Variants in CNPPD1 observed in about 807,000 individuals in gnomAD.
The protein encoded by CNPPD1 is protein CNPPD1.
In CNPPD1, 40 loss-of-function variants were observed where a neutral mutation model predicts 43.7. The ratio of observed to expected loss-of-function variants is 0.92; its 90% CI spans 0.71 to 1.19. CNPPD1 has a LOEUF of 1.19. CNPPD1 is among the 50% of genes most tolerant of loss of function. The pLI is 0.00. For missense variants in CNPPD1, 511 were observed against 518.5 expected, an observed-to-expected ratio of 0.99 and a Z score of 0.14; for synonymous variants, 208 against 214.3, an observed-to-expected ratio of 0.97 and a Z score of 0.26.
chr2:219,173,342 C>G lies in CNPPD1; in HGVS notation c.690+8G>C. The G allele has an allele frequency of 1.2e-6, 2 of 1,611,504 alleles. No homozygotes were observed. On this transcript the variant is annotated splice_region_variant and intron_variant, in intron 7 of 7. Transcript: ENST00000360507. ...TCAAGCTCCCTATCCTTCCGAGCCC[C>G]TCCTCACCTTTACCAGCCGCTGGCA... is the stretch of plus-strand genomic sequence containing the variant.
rs145517904 is a variant in CNPPD1 at position 219,172,900 on chromosome 2, A to G, written c.919T>C (p.Ser307Pro). ...GAGGCCAGAAGACTGCCCCAGAGTGACCGCAGCCCCATGCTGCCTTCCAGG... is the reference window on the plus strand; with the variant it reads ...GAGGCCAGAAGACTGCCCCAGAGTGGCCGCAGCCCCATGCTGCCTTCCAGG... Reference protein sequence around the residue: ...SCLEGSMGLRSLWGSLLASLT... With the variant: ...SCLEGSMGLRPLWGSLLASLT... The change falls in exon 8 of 8, where the codon TCA becomes CCA. Residue 307 changes from serine (S) to proline (P), a missense_variant. Coordinates refer to ENST00000360507, the MANE Select transcript of CNPPD1 (RefSeq NM_015680.6). 1.9e-6 allele frequency: 3 copies of G among 1,609,074 alleles called. No homozygotes were observed. The highest frequency in any genetic ancestry group is 1.7e-6 in the Non-Finnish European group (2 of 1,177,320).
At position 219,172,953 on chromosome 2, in the gene CNPPD1, A is replaced by G. The variant is rs148863097; in HGVS notation, c.866T>C (p.Leu289Pro). ...GCTGGAGACATTAGCGAGAGACGGC[A>G]GGCATTGTGGCACAGAAGGTATGCA... is the stretch of plus-strand genomic sequence containing the variant. Reference protein sequence around the residue: ...EPCIPSVPQCLPSLANVSSCL... With the variant: ...EPCIPSVPQCPPSLANVSSCL... The change falls in exon 8 of 8, where the codon CTG becomes CCG. Residue 289 changes from leucine to proline, a missense_variant. Coordinates refer to ENST00000360507, the MANE Select transcript of CNPPD1 (RefSeq NM_015680.6). The G allele has an allele frequency of 1.2e-6, 2 of 1,613,970 alleles. No individual in the cohort carries two copies. Among genetic ancestry groups the G allele is most frequent in the Non-Finnish European group, 1.7e-6 (2 of 1,179,954 alleles).
chr2:219,176,941 G>C (rs1223989291), upstream of CNPPD1: 10 of 912,392 alleles, frequency 1.1e-5, no homozygotes, highest in Non-Finnish European at 1.6e-5. Context: ...CCCGGGGCGG[G>C]CCGCCGTCCT....
chr2:219,176,397 G>T, intron 1 of CNPPD1, 66 bp from the exon 2 acceptor site: 1 of 1,264,164 alleles, frequency 7.9e-7, no homozygotes, highest in South Asian at 1.2e-5. Flanking sequence ...TCCTGGCTCT[G>T]GGCTGGAAGG....
chr2:219,174,550 G>C (rs7593818), intron 5 of CNPPD1, among the ~76,000 whole-genome samples: 73,850 of 152,000 alleles, frequency 0.49, 19,509 homozygotes, highest in Non-Finnish European at 0.6. Context: ...TGGGGCCCTG[G>C]AGGAATAGAG....
chr2:219,174,962 A>T (rs562803874), intron 4 of CNPPD1, 26 bp downstream of exon 4: 1 of 1,614,118 alleles, frequency 6.2e-7, no homozygotes, highest in African/African-American at 1.3e-5. Context: ...TTGGCTCTTT[A>T]GGGAGATGGG....
At chr2:219,176,399 G>T in intron 1 of CNPPD1, 68 bp from the exon 2 acceptor site, 1 of 1,251,744 alleles carries the variant, frequency 8.0e-7, no homozygotes, top group Non-Finnish European at 1.2e-6. Context: ...CTGGCTCTGG[G>T]CTGGAAGGCG....
upstream of CNPPD1, chr2:219,177,076 A>C (rs1950184954): frequency 4.7e-6 from 2 of 427,426 alleles, no homozygotes; most frequent in South Asian, 9.6e-5. Context: ...CCGGGAAGGG[A>C]GGTGTCAAGC....
chr2:219,177,910 G>A (rs1257521005), upstream of CNPPD1: 2 of 152,618 alleles, frequency 1.3e-5, no homozygotes, highest in Admixed American at 6.5e-5. Context: ...TGAGTAATGG[G>A]ACGGCCACCG....
rs374808241 is a variant in CNPPD1, at chr2:219,176,874, G to T, written c.-46C>A. On this transcript the variant is annotated 5_prime_UTR_variant, in exon 1 of 8. Transcript: ENST00000360507. ...TGCGAAGGTGAACGGAAGGAAACGA[G>T]TTGTAGGGGGCTCGCGGAGCTGTCC... 2.7e-6 allele frequency: 4 copies of T among 1,490,130 alleles called. No homozygotes were observed. Among genetic ancestry groups the T allele is most frequent in the Non-Finnish European group, 3.7e-6 (4 of 1,094,486 alleles). The allele number at this position is 1,490,130 out of a possible 1,614,324, so 92.3% of individuals were successfully genotyped here.
Position 219,175,030 on chromosome 2 carries a change from G to C in CNPPD1, c.339C>G (p.Tyr113Ter). The change falls in exon 4 of 8, where the codon TAC becomes TAG. Residue 113 changes from tyrosine (Y) to a stop codon, truncating the protein, a stop_gained. Coordinates refer to ENST00000360507, the MANE Select transcript of CNPPD1 (RefSeq NM_015680.6). LOFTEE classifies it high-confidence loss of function. ...AGTCAGAGGATGACACATGCTGCAA[G>C]TAGTCTGGGTTTCGGTGCCGGAGCC... ...IERLRHRNPD[Y>*]LQHVSSSDLF... 1 of 1,614,104 alleles carries C rather than the reference G, an allele frequency of 6.2e-7. No individual in the cohort carries two copies. Among genetic ancestry groups the C allele is most frequent in the Non-Finnish European group, 8.5e-7 (1 of 1,180,036 alleles).
Position 219,176,324 on chromosome 2 carries a change from G to T in CNPPD1, c.77C>A (p.Pro26Gln). ...LAGFQDFTFLPGHQKLSARIR... is the reference protein window; with the variant it reads ...LAGFQDFTFLQGHQKLSARIR... ...CCGGGCACTCAGCTTCTGGTGTCCT[G>T]GGAGGAACTGAAACAGGGCAGGGGC... Residue 26 changes from proline (P) to glutamine (Q), a missense_variant, in exon 2 of 8, where the codon CCA becomes CAA. Pro to Gln is a moderately conservative substitution (Grantham distance 76, BLOSUM62 -1). Transcript: ENST00000360507. 6.2e-7 allele frequency: 1 copy of T among 1,613,120 alleles called. No individual in the cohort carries two copies. The highest frequency in any genetic ancestry group is 8.5e-7 in the Non-Finnish European group (1 of 1,179,052).
upstream of CNPPD1, chr2:219,177,403 G>A (rs1184029984): frequency 1.3e-5 from 2 of 152,720 alleles, no homozygotes; most frequent in African/African-American, 4.8e-5. Flanking sequence ...ATGTGAATAA[G>A]ACGAAACGCA....
At chr2:219,174,125 T>A (rs376120499) in intron 6 of CNPPD1, 21 bp downstream of exon 6, 1 of 1,613,784 alleles carries the variant, frequency 6.2e-7, no homozygotes, top group Non-Finnish European at 8.5e-7. Flanking sequence ...CGAGCCCTTC[T>A]TCCCAACTCC....
Position 219,174,772 on chromosome 2 carries a change from G to GCTCACCATGGCACTCAGGAAGCCC in CNPPD1, c.492_510+5dup. ...AAACTGAGCAAGAGAGAGAACAGCT[G>GCTCACCATGGCACTCAGGAAGCCC]CTCACCATGGCACTCAGGAAGCCCC... On this transcript the variant is annotated splice_donor_region_variant and intron_variant, in intron 5 of 7. Transcript: ENST00000360507. 1.3e-6 allele frequency: 2 copies of GCTCACCATGGCACTCAGGAAGCCC among 1,586,474 alleles called. No individual in the cohort carries two copies. The highest frequency in any genetic ancestry group is 1.7e-6 in the Non-Finnish European group (2 of 1,164,158).
At chr2:219,176,107 A>G (rs1950154156) in intron 2 of CNPPD1, 116 bp downstream of exon 2, 2 of 736,962 alleles carry the variant, frequency 2.7e-6, no homozygotes. Context: ...CCAAGTACCA[A>G]CGAGCTAGCA....
rs772938514 is a variant in CNPPD1, at chr2:219,174,811, G to A, written c.477C>T (p.Leu159=). The part of the protein sequence containing the change: ...GAAGGVAVPT[L]NALERGFLSA... ...TCAGGAAGCCCCTCTCCAAGGCATT[G>A]AGAGTGGGCACGGCCACACCCCCAG... Residue 159 remains leucine (L), a synonymous_variant, in exon 5 of 8, where the codon CTC becomes CTT. Coordinates refer to ENST00000360507, the MANE Select transcript of CNPPD1 (RefSeq NM_015680.6). 1.2e-6 allele frequency: 2 copies of A among 1,612,002 alleles called. No individual in the cohort carries two copies. Among genetic ancestry groups the A allele is most frequent in the Admixed American group, 1.7e-5 (1 of 59,888 alleles).
chr2:219,173,197 G>C, intron 7 of CNPPD1, 69 bp from the exon 8 acceptor site: 1 of 1,493,684 alleles, frequency 6.7e-7, no homozygotes, highest in Non-Finnish European at 9.0e-7. Context: ...CTAGAAATCT[G>C]TGTTCCAGTT....
chr2:219,176,672 C>G lies in CNPPD1; in HGVS notation c.69+88G>C, dbSNP rs1574775161. On this transcript the variant is annotated intron_variant, in intron 1 of 7. Transcript: ENST00000360507. ...TGCTCGAGCAGCTGCCGCCCAGTCC[C>G]GGCACAGCAGTCAGGCGAGCTCGCA... 5.7e-6 allele frequency: 6 copies of G among 1,061,410 alleles called. No individual in the cohort carries two copies. The East Asian group carries it at 1.6e-4, about 28-fold the overall frequency. 65.7% of individuals were successfully genotyped at this position (1,061,410 alleles called of 1,614,324 possible).
Sources: gnomAD v4.1 joint callset for allele counts (sites outside exome capture counted in the v4.1 genomes callset) on GRCh38, gnomAD v4.1.1 for gene constraint, MANE v1.5 for transcripts, NCBI Gene and HGNC (gene_info 2026-07-23, HGNC 2026-07-21) for gene names.